SPTBN4: variants seen among roughly 807,000 people sequenced by gnomAD.
SPTBN4 encodes spectrin beta, non-erythrocytic 4.
SPTBN4 carries 96 observed loss-of-function variants against 277.8 expected under a neutral mutation model. The observed-to-expected ratio is 0.35, with a 90% CI of 0.29 to 0.41. The LOEUF (loss-of-function observed/expected upper bound fraction) is 0.41. SPTBN4 is among the 10% of genes least tolerant of loss of function. The pLI is 1.00. For synonymous variants in SPTBN4, 1,481 were observed against 1,580.3 expected, an observed-to-expected ratio of 0.94 and a Z score of 1.49; for missense variants, 3,006 against 3,595.7, an observed-to-expected ratio of 0.84 and a Z score of 4.19.
At chr19:40,556,036 C>A in intron 24 of SPTBN4, 48 bp from the exon 25 acceptor site, 1 of 1,548,716 alleles carries the variant, frequency 6.5e-7, no homozygotes, top group Non-Finnish European at 8.8e-7. Context: ...CACGCTCTGC[C>A]CCAGAAGTCT....
chr19:40,528,570 C>T (rs899330085), intron 17 of SPTBN4, among the ~76,000 whole-genome samples: 11 of 152,198 alleles, frequency 7.2e-5, no homozygotes, highest in African/African-American at 2.2e-4. Flanking sequence ...CTGTCACTTT[C>T]CCTCTCTCTG....
Position 40,557,395 on chromosome 19 carries a change from G to A in SPTBN4, c.5662G>A (p.Val1888Met), listed in dbSNP as rs201094636. 1.0e-5 allele frequency: 16 copies of A among 1,560,732 alleles called. No individual in the cohort carries two copies. The highest frequency in any genetic ancestry group is 1.2e-5 in the South Asian group (1 of 84,602). The change falls in exon 26 of 36, where the codon GTG (valine) becomes ATG (methionine). Residue 1888 changes from valine (V) to methionine (M), a missense_variant. Physicochemically the swap from Val to Met is conservative, Grantham distance 21 (BLOSUM62 1). Coordinates refer to ENST00000598249, the MANE Select transcript of SPTBN4 (RefSeq NM_020971.3). ...RAFEHDLQLL[V>M]SQVRQLQEGA... ...CTTTGAGCATGACCTGCAGCTCCTC[G>A]TGTCCCAGGTGGGGCGCCGGTGGCC...
chr19:40,467,892 C>T (rs2079844277), intron 1 of SPTBN4, among the ~76,000 whole-genome samples: 1 of 152,040 alleles, frequency 6.6e-6, no homozygotes, highest in East Asian at 1.9e-4. Flanking sequence ...AAGAATAAAG[C>T]GGAACTTGAA....
At chr19:40,563,778 C>G (rs983884195) in intron 27 of SPTBN4, among the ~76,000 whole-genome samples, 3 of 146,094 alleles carry the variant, frequency 2.1e-5, no homozygotes, top group Non-Finnish European at 4.5e-5. Flanking sequence ...GTGGCTCATG[C>G]CTGTAATCTC....
chr19:40,506,215 C>T (rs2080328224), intron 12 of SPTBN4, 21 bp from the exon 13 acceptor site: 1 of 1,599,978 alleles, frequency 6.3e-7, no homozygotes, highest in Admixed American at 1.7e-5. Flanking sequence ...GAGGTGTGCT[C>T]AGTGCTGTCC....
Position 40,567,698 on chromosome 19 carries a change from G to A in SPTBN4, c.6372G>A (p.Pro2124=). Residue 2124 remains proline (P), a synonymous_variant, in exon 31 of 36, where the codon CCG becomes CCA. Transcript: ENST00000598249. ...EKIKAEQSKQ[P]PTPLLGRKFF... ...TCAAAGCGGAACAGAGCAAGCAGCCGCCTACCCCACTGCTGGGGCGCAAGT... is the reference window on the plus strand; with the variant it reads ...TCAAAGCGGAACAGAGCAAGCAGCCACCTACCCCACTGCTGGGGCGCAAGT... The A allele has an allele frequency of 1.3e-6, 2 of 1,482,254 alleles. No homozygotes were observed. Among genetic ancestry groups the A allele is most frequent in the East Asian group, 3.0e-5 (1 of 33,236 alleles). 91.8% of individuals were successfully genotyped at this position (1,482,254 alleles called of 1,614,324 possible). A position where few individuals can be genotyped will look rare whatever the true frequency, so the allele number is the denominator to read the frequency against.
At chr19:40,528,962 A>G (rs954570909) in intron 17 of SPTBN4, 79 bp from the exon 18 acceptor site, 9 of 1,061,580 alleles carry the variant, frequency 8.5e-6, no homozygotes, top group Non-Finnish European at 1.3e-5. Flanking sequence ...TACCCAGCCC[A>G]GTGCCCTCAC....
At position 40,502,178 on chromosome 19, in the gene SPTBN4, G is replaced by T. The variant is rs1050118134; in HGVS notation, c.948G>T (p.Glu316Asp). 1 of 1,613,998 alleles carries T rather than the reference G, an allele frequency of 6.2e-7. No individual in the cohort carries two copies. The highest frequency in any genetic ancestry group is 1.3e-5 in the African/African-American group (1 of 74,932). Residue 316 changes from glutamate to aspartate, a missense_variant, in exon 9 of 36, where the codon GAG becomes GAT. Physicochemically the swap from Glu to Asp is conservative, Grantham distance 45. Coordinates refer to ENST00000598249, the MANE Select transcript of SPTBN4 (RefSeq NM_020971.3). This position sits in a 1 kb window ranked among gnomAD's most constrained non-coding sequence, Gnocchi z 4.9. ...GGAAGATCATAGAACGCTACGAGGAGCTGGCGGCTGAGCTGCTGGCCTGGA... is the reference window on the plus strand; with the variant it reads ...GGAAGATCATAGAACGCTACGAGGATCTGGCGGCTGAGCTGCTGGCCTGGA... ...EVGKIIERYEELAAELLAWIH... is the reference protein window; with the variant it reads ...EVGKIIERYEDLAAELLAWIH...
chr19:40,573,677 C>G (rs2081175091), intron 35 of SPTBN4, among the ~76,000 whole-genome samples: 1 of 151,588 alleles, frequency 6.6e-6, no homozygotes, highest in Non-Finnish European at 1.5e-5. Context: ...ATGGTGCATG[C>G]CTGTAATCCC....
intron 3 of SPTBN4, among the ~76,000 whole-genome samples, chr19:40,489,466 A>T (rs544686100): frequency 6.6e-6 from 1 of 152,074 alleles, no homozygotes; most frequent in East Asian, 2.0e-4. Flanking sequence ...GCTCAACAGC[A>T]GCCTCCGCTT....
intron 2 of SPTBN4, among the ~76,000 whole-genome samples, chr19:40,477,825 G>A (rs2145807434): frequency 1.3e-5 from 2 of 152,170 alleles, no homozygotes; most frequent in Admixed American, 1.3e-4. Flanking sequence ...TGATGGGAGA[G>A]GAGCCAGTGG....
At chr19:40,493,145 C>G (rs925929451) in intron 5 of SPTBN4, 91 bp downstream of exon 5, 7 of 1,225,588 alleles carry the variant, frequency 5.7e-6, no homozygotes, top group Non-Finnish European at 5.9e-6. Flanking sequence ...AAGGGGCAGC[C>G]CATGTCCTCA....
chr19:40,567,829 T>C lies in SPTBN4; in HGVS notation c.6503T>C (p.Leu2168Pro). The change falls in exon 31 of 36, where the codon CTC (leucine) becomes CCC (proline). Residue 2168 changes from leucine to proline, a missense_variant. Leu to Pro is a moderately conservative substitution (Grantham distance 98, BLOSUM62 -3). Coordinates refer to ENST00000598249, the MANE Select transcript of SPTBN4 (RefSeq NM_020971.3). Reference sequence around the variant, plus strand: ...CTGGCCCGCCGAGCCTCGGACACGCTCTCGGCCGAGGTGCGGACTCGGGTG... The same window carrying C: ...CTGGCCCGCCGAGCCTCGGACACGCCCTCGGCCGAGGTGCGGACTCGGGTG... The part of the protein sequence containing the change: ...EPLARRASDT[L>P]SAEVRTRVGY... The C allele has an allele frequency of 2.0e-6, 3 of 1,521,424 alleles. No homozygotes were observed. Among genetic ancestry groups the C allele is most frequent in the Non-Finnish European group, 2.6e-6 (3 of 1,133,538 alleles). 94.2% of individuals were successfully genotyped at this position (1,521,424 alleles called of 1,614,324 possible). A position where few individuals can be genotyped will look rare whatever the true frequency, so the allele number is the denominator to read the frequency against.
chr19:40,508,011 A>G (rs1385178375), intron 13 of SPTBN4, among the ~76,000 whole-genome samples: 1 of 152,162 alleles, frequency 6.6e-6, no homozygotes, highest in East Asian at 1.9e-4. Flanking sequence ...TTCTCCCAAG[A>G]GTTCTGACAA....
chr19:40,536,448 A>C (rs1193541680), intron 20 of SPTBN4, among the ~76,000 whole-genome samples: 1 of 152,142 alleles, frequency 6.6e-6, no homozygotes, highest in Non-Finnish European at 1.5e-5. Context: ...TCCTGACCAC[A>C]GGTGATTCAC....
Position 40,502,226 on chromosome 19 carries a change from C to T in SPTBN4, c.996C>T (p.Ile332=). 6.2e-7 allele frequency: 1 copy of T among 1,614,000 alleles called. No homozygotes were observed. Among genetic ancestry groups the T allele is most frequent in the Non-Finnish European group, 8.5e-7 (1 of 1,180,040 alleles). Residue 332 remains isoleucine, a synonymous_variant, in exon 9 of 36, where the codon ATC becomes ATT. Transcript: ENST00000598249. The surrounding 1 kb of genome is among the most constrained non-coding windows in gnomAD (Gnocchi z 4.9). ...LAWIHRTVGL[I]SNQKFANSLS... ...GGATCCACCGCACCGTGGGCCTCAT[C>T]AGCAATCAGAAATTTGCCAACTCCT...
intron 22 of SPTBN4, among the ~76,000 whole-genome samples, chr19:40,553,747 C>T (rs1286143339): frequency 6.6e-6 from 1 of 152,090 alleles, no homozygotes; most frequent in Non-Finnish European, 1.5e-5. Flanking sequence ...AACTGTATAC[C>T]TAAGATTTGT....
In SPTBN4 at chr19:40,479,441, T is replaced by G. The variant is rs563832114; in HGVS notation, c.169+6651T>G. Among the ~76,000 whole-genome samples the G allele has an allele frequency of 4.6e-5, 7 of 152,158 alleles. No homozygotes were observed. The East Asian group carries it at 1.3e-3, about 29-fold the overall frequency. On this transcript the variant is annotated intron_variant, in intron 2 of 35. Coordinates refer to ENST00000598249, the MANE Select transcript of SPTBN4 (RefSeq NM_020971.3). ...TATTCCCAAATCTCAAATCAATTTC[T>G]TCTCCCCTGTAGGCAACCACTGACA...
intron 33 of SPTBN4, 131 bp downstream of exon 33, chr19:40,570,859 C>A: frequency 2.1e-6 from 2 of 940,138 alleles, no homozygotes; most frequent in South Asian, 2.9e-5. Flanking sequence ...TAGGTGGGGC[C>A]AGAGCTGGGG....
Sources: allele counts gnomAD v4.1 joint callset (sites outside exome capture counted in the v4.1 genomes callset), GRCh38; gene constraint gnomAD v4.1.1; non-coding constraint Gnocchi (gnomAD v3.1); transcripts MANE v1.5; gene names NCBI Gene and HGNC (gene_info 2026-07-23, HGNC 2026-07-21).